ARHGAP23: variants seen among roughly 807,000 people sequenced by gnomAD.
The protein encoded by ARHGAP23 is Rho GTPase activating protein 23.
A neutral mutation model predicts 136.3 loss-of-function variants in ARHGAP23; 34 were observed. The observed-to-expected ratio is 0.25, with a 90% confidence interval of 0.19 to 0.33. ARHGAP23 has a LOEUF of 0.33. Among genes scored for constraint, ARHGAP23 ranks in the 10% least tolerant of loss-of-function variants. ARHGAP23 has a pLI of 1.00. For synonymous variants in ARHGAP23, 832 were observed against 920.5 expected (o/e 0.90, Z 1.74); for missense variants, 1,808 against 2,139.0 (o/e 0.85, Z 3.05).
At chr17:38,427,728 C>T (rs1375404442), upstream of ARHGAP23, among the ~76,000 whole-genome samples, 3 of 152,126 alleles carry the variant, frequency 2.0e-5, no homozygotes, top group African/African-American at 4.8e-5. Context: ...GGTGGGGGTC[C>T]GAAGGGCTGG....
chr17:38,471,528 C>G (rs536020548), intron 10 of ARHGAP23, among the ~76,000 whole-genome samples: 87 of 152,336 alleles, frequency 5.7e-4, no homozygotes, highest in African/African-American at 1.9e-3. Context: ...GTTTATTTAA[C>G]TCCTCGTTGA....
chr17:38,420,610 A>AG (rs2038511066), intron 1 of ARHGAP23, among the ~76,000 whole-genome samples: 2 of 151,784 alleles, frequency 1.3e-5, no homozygotes, highest in South Asian at 4.2e-4. Flanking sequence ...AGTCCGTGGA[A>AG]GGGGTGACCC....
At chr17:38,435,612 G>C (rs1450505001) in intron 1 of ARHGAP23, among the ~76,000 whole-genome samples, 2 of 152,174 alleles carry the variant, frequency 1.3e-5, no homozygotes, top group Non-Finnish European at 2.9e-5. Context: ...TTTTGTTGTT[G>C]TTGTTTTCGA....
At chr17:38,439,424 T>G (rs2038872840) in intron 1 of ARHGAP23, among the ~76,000 whole-genome samples, 1 of 152,252 alleles carries the variant, frequency 6.6e-6, no homozygotes, top group Admixed American at 6.5e-5. Flanking sequence ...TCTTGTTCAC[T>G]GCTCTATATC....
intron 1 of ARHGAP23, among the ~76,000 whole-genome samples, chr17:38,445,559 A>G (rs1263521304): frequency 6.6e-6 from 1 of 152,056 alleles, no homozygotes; most frequent in African/African-American, 2.4e-5. Context: ...AAGTACATCC[A>G]TATTATTGTG....
In ARHGAP23 at chr17:38,510,492, C is replaced by T. The variant is rs1262785098; in HGVS notation, c.3996C>T (p.Gly1332=). The T allele has an allele frequency of 1.6e-5, 19 of 1,167,792 alleles. No homozygotes were observed. The highest frequency in any genetic ancestry group is 2.0e-5 in the Non-Finnish European group (19 of 947,984). 72.3% of individuals were successfully genotyped at this position (1,167,792 alleles called of 1,614,324 possible). The stretch of plus-strand genomic sequence containing the variant: ...CCCGGGGCCGCCCAGACGGCGAGGG[C>T]GCGGGCCGGGGCGGTCCCCGCGCCC... ...RLARGRPDGE[G]AGRGGPRAPE... is the part of the protein sequence containing the mutation. The change falls in exon 24 of 24, where the codon GGC becomes GGT. Residue 1332 remains glycine, a synonymous_variant. Coordinates refer to ENST00000622683, the MANE Select transcript of ARHGAP23 (RefSeq NM_001199417.2). The surrounding 1 kb of genome is among the most constrained non-coding windows in gnomAD (Gnocchi z 4.6).
chr17:38,446,962 T>C (rs998043981), intron 1 of ARHGAP23, among the ~76,000 whole-genome samples: 2 of 152,078 alleles, frequency 1.3e-5, no homozygotes, highest in Non-Finnish European at 2.9e-5. Flanking sequence ...TACAAGTGTG[T>C]GCCATCACGT....
chr17:38,459,078 T>G (rs144429676), intron 2 of ARHGAP23, among the ~76,000 whole-genome samples: 1 of 152,264 alleles, frequency 6.6e-6, no homozygotes, highest in Non-Finnish European at 1.5e-5. Context: ...AGCCCCCGAC[T>G]AGGGCTCTGC....
chr17:38,482,055 G>T lies in ARHGAP23; in HGVS notation c.2663G>T (p.Gly888Val). Residue 888 changes from glycine to valine, a missense_variant, in exon 15 of 24, where the codon GGC becomes GTC. This residue lies in a region of ARHGAP23 where 73 missense variants were observed against 82.5 expected (regional missense o/e 0.88). Coordinates refer to ENST00000622683, the MANE Select transcript of ARHGAP23 (RefSeq NM_001199417.2). ...GCTGCAGCCCCCAAAACCCCCTGGG[G>T]CATCAACATCATCAAGAAAAATAAG... ...DSAAAPKTPWGINIIKKNKKA... is the reference protein window; with the variant it reads ...DSAAAPKTPWVINIIKKNKKA... 1 of 1,549,408 alleles carries T rather than the reference G, an allele frequency of 6.5e-7. No homozygotes were observed. Among genetic ancestry groups the T allele is most frequent in the Non-Finnish European group, 8.7e-7 (1 of 1,146,148 alleles).
upstream of ARHGAP23, among the ~76,000 whole-genome samples, chr17:38,424,226 C>T (rs76472876): frequency 0.053 from 8,007 of 152,178 alleles, 261 homozygotes; most frequent in South Asian, 0.085. Flanking sequence ...CCAGTCCGCT[C>T]ATCACGCCCT....
At position 38,469,595 on chromosome 17, in the gene ARHGAP23, G is replaced by A; in HGVS notation, c.1876G>A (p.Asp626Asn). ...CACGGAGCGCTCCAAGTCCTGCGATGATGGACTCAACACCTTCCGCGACGA... is the reference window on the plus strand; with the variant it reads ...CACGGAGCGCTCCAAGTCCTGCGATAATGGACTCAACACCTTCCGCGACGA... ...ITTERSKSCD[D>N]GLNTFRDEGR... The change falls in exon 9 of 24, where the codon GAT (aspartate) becomes AAT (asparagine). Residue 626 changes from aspartate to asparagine, a missense_variant. Physicochemically the swap from Asp to Asn is conservative, Grantham distance 23 (BLOSUM62 1). Around this residue, in one of 7 missense-constraint regions of ARHGAP23, gnomAD observed 859 missense variants for 936.4 expected, o/e 0.92. Transcript: ENST00000622683. 3.2e-6 allele frequency: 5 copies of A among 1,548,820 alleles called. No individual in the cohort carries two copies. Among genetic ancestry groups the A allele is most frequent in the Non-Finnish European group, 4.4e-6 (5 of 1,146,734 alleles).
At chr17:38,427,551 G>A (rs2038587964), upstream of ARHGAP23, among the ~76,000 whole-genome samples, 1 of 152,202 alleles carries the variant, frequency 6.6e-6, no homozygotes, top group Admixed American at 6.5e-5. Flanking sequence ...TGGGGGACAA[G>A]GAAAGAAGCT....
At chr17:38,504,415 C>A (rs1004528056) in intron 23 of ARHGAP23, among the ~76,000 whole-genome samples, 5 of 152,216 alleles carry the variant, frequency 3.3e-5, no homozygotes. Context: ...CCTCCTGTCC[C>A]GGCTGTAAGG....
upstream of ARHGAP23, among the ~76,000 whole-genome samples, chr17:38,426,553 A>AAAAAAAAAAAAAAAAAAAAAAAC (rs2038573112): frequency 6.8e-6 from 1 of 147,456 alleles, no homozygotes; most frequent in Non-Finnish European, 1.5e-5. Context: ...TCCATCTCAA[A>AAAAAAAAAAAAAAAAAAAAAAAC]AAAAAAAAAA....
rs971699552 is a variant in ARHGAP23 at position 38,511,225 on chromosome 17, C to G, written c.*253C>G. 1 of 459,686 alleles carries G rather than the reference C, an allele frequency of 2.2e-6. No homozygotes were observed. Among genetic ancestry groups the G allele is most frequent in the African/African-American group, 2.1e-5 (1 of 48,490 alleles). The allele number at this position is 459,686 out of a possible 1,614,324, so 28.5% of individuals were successfully genotyped here. On this transcript the variant is annotated 3_prime_UTR_variant, in exon 24 of 24. Transcript: ENST00000622683. ...AGGAGGGGGCGTGGGCTGCTGGGGT[C>G]TGTGTCCCTGCACACATGCGCCCGA...
intron 1 of ARHGAP23, among the ~76,000 whole-genome samples, chr17:38,454,605 G>A (rs2039280152): frequency 6.6e-6 from 1 of 152,164 alleles, no homozygotes; most frequent in Non-Finnish European, 1.5e-5. Context: ...GGGCAGAGGA[G>A]GCTGAGTGGC....
upstream of ARHGAP23, among the ~76,000 whole-genome samples, chr17:38,423,592 C>T (rs766857160): frequency 6.6e-6 from 1 of 152,034 alleles, no homozygotes; most frequent in Non-Finnish European, 1.5e-5. Context: ...AGGCTGGTCT[C>T]GAACTCCTGA....
rs562358540 is a variant in ARHGAP23, at chr17:38,469,627, G to T, written c.1908G>T (p.Arg636=). ...DGLNTFRDEG[R]VLRRLPNRIP... is the part of the protein sequence containing the mutation. ...TCAACACCTTCCGCGACGAGGGCCG[G>T]GTTCTGCGGTGAGGCCCTGTCCGGA... Residue 636 remains arginine (R), a synonymous_variant, in exon 9 of 24, where the codon CGG becomes CGT. Coordinates refer to ENST00000622683, the MANE Select transcript of ARHGAP23 (RefSeq NM_001199417.2). The T allele has an allele frequency of 6.4e-4, 992 of 1,548,752 alleles. 1 individual carries two copies. Among genetic ancestry groups the T allele is most frequent in the Admixed American group, 9.4e-4 (48 of 50,992 alleles).
chr17:38,498,550 G>A (rs1295133416), intron 22 of ARHGAP23, 40 bp downstream of exon 22: 3 of 1,457,828 alleles, frequency 2.1e-6, no homozygotes, highest in Non-Finnish European at 2.8e-6. Context: ...CGGGAGGTTG[G>A]ACACTGCATT....
Sources: gnomAD v4.1 joint callset for allele counts (sites outside exome capture counted in the v4.1 genomes callset) on GRCh38, gnomAD v4.1.1 for gene constraint, gnomAD v4.1.1 regional missense constraint, Gnocchi (gnomAD v3.1) non-coding constraint, MANE v1.5 for transcripts, NCBI Gene and HGNC (gene_info 2026-07-23, HGNC 2026-07-21) for gene names.